The following SP3 variants were observed in gnomAD, a reference collection of about 807,000 sequenced individuals.
The protein encoded by SP3 is transcription factor Sp3.
A neutral mutation model predicts 70.3 loss-of-function variants in SP3; 10 were observed. The observed-to-expected ratio is 0.14, with a 90% confidence interval of 0.09 to 0.24. The LOEUF (loss-of-function observed/expected upper bound fraction) is 0.24, where lower values mean the gene tolerates loss of function less well. Among genes scored for constraint, SP3 ranks in the 10% least tolerant of loss-of-function variants. SP3 has a pLI of 1.00. For missense variants in SP3, 825 were observed against 914.6 expected (o/e 0.90, Z 1.26); for synonymous variants, 402 against 333.5 (o/e 1.21, Z -2.24).
At position 173,933,639 on chromosome 2, in the gene SP3, T is replaced by C. The variant is rs185802035; in HGVS notation, c.1640-14854A>G. ...CAAATGACTAACATTTATAAAACTT[T>C]ATATATATATATATATATATATATA... On this transcript the variant is annotated intron_variant, in intron 4 of 6. Coordinates refer to ENST00000310015, the MANE Select transcript of SP3 (RefSeq NM_003111.5). Among the ~76,000 whole-genome samples, 95 of 15,562 alleles carry C rather than the reference T, an allele frequency of 6.1e-3. 1 individual carries two copies. The East Asian group carries it at 0.11, about 18-fold the overall frequency. 10.2% of individuals were successfully genotyped at this position (15,562 alleles called of 152,430 possible).
intron 4 of SP3, among the ~76,000 whole-genome samples, chr2:173,940,994 A>T (rs1160175032): frequency 6.6e-6 from 1 of 152,006 alleles, no homozygotes; most frequent in Non-Finnish European, 1.5e-5. Flanking sequence ...TTTTCTTAAA[A>T]CATCCCTCTC....
chr2:173,939,935 C>G (rs1690318304), intron 4 of SP3, among the ~76,000 whole-genome samples: 1 of 152,020 alleles, frequency 6.6e-6, no homozygotes, highest in Non-Finnish European at 1.5e-5. Flanking sequence ...TGCAATGACT[C>G]AATCATAACT....
chr2:173,941,221 T>C (rs1559101973), intron 4 of SP3, among the ~76,000 whole-genome samples: 1 of 152,046 alleles, frequency 6.6e-6, no homozygotes, highest in Non-Finnish European at 1.5e-5. Flanking sequence ...CCCAGCACTC[T>C]TAATGAAACC....
At chr2:173,952,940 G>T (rs1013405849) in intron 4 of SP3, among the ~76,000 whole-genome samples, 1 of 152,152 alleles carries the variant, frequency 6.6e-6, no homozygotes, top group Admixed American at 6.5e-5. Flanking sequence ...TTCCTTTTGA[G>T]GTAATAAAAA....
Position 173,907,112 on chromosome 2 carries a change from A to C in SP3, c.*2829T>G, listed in dbSNP as rs1025505484. ...AGTCACTTTTCAGTAATTAAGCCTC[A>C]ATCTATAGAAAATGAGATGCTCTTT... On this transcript the variant is annotated 3_prime_UTR_variant, in exon 7 of 7. Coordinates refer to ENST00000310015, the MANE Select transcript of SP3 (RefSeq NM_003111.5). The C allele has an allele frequency of 1.3e-5, 2 of 152,174 alleles. No individual in the cohort carries two copies. The highest frequency in any genetic ancestry group is 2.9e-5 in the Non-Finnish European group (2 of 68,004). 9.4% of individuals were successfully genotyped at this position (152,174 alleles called of 1,614,324 possible).
intron 4 of SP3, among the ~76,000 whole-genome samples, chr2:173,920,529 G>A (rs888181455): frequency 6.6e-6 from 1 of 152,054 alleles, no homozygotes; most frequent in Non-Finnish European, 1.5e-5. Context: ...CATGTGCAGG[G>A]GCGGGGGGTA....
At chr2:173,942,740 T>C (rs973701163) in intron 4 of SP3, among the ~76,000 whole-genome samples, 2 of 152,150 alleles carry the variant, frequency 1.3e-5, no homozygotes, top group African/African-American at 4.8e-5. Context: ...CCCACTTTAC[T>C]CCACCCTTCC....
intron 4 of SP3, among the ~76,000 whole-genome samples, chr2:173,952,262 T>C (rs568863024): frequency 1.3e-5 from 2 of 152,204 alleles, no homozygotes; most frequent in African/African-American, 4.8e-5. Context: ...AGTGGTTTTT[T>C]AAAGACAATT....
intron 4 of SP3, among the ~76,000 whole-genome samples, chr2:173,926,248 T>C (rs1477489458): frequency 6.6e-6 from 1 of 152,156 alleles, no homozygotes; most frequent in Non-Finnish European, 1.5e-5. Context: ...CAAGCCTCCT[T>C]CTTTAGTAAG....
chr2:173,939,694 G>A (rs778567870), intron 4 of SP3, among the ~76,000 whole-genome samples: 5 of 135,506 alleles, frequency 3.7e-5, no homozygotes, highest in Non-Finnish European at 6.1e-5. Context: ...GAGCCAGAGA[G>A]GCGGAAGTTG....
intron 3 of SP3, among the ~76,000 whole-genome samples, chr2:173,957,006 A>G (rs1690916955): frequency 2.0e-5 from 3 of 152,156 alleles, no homozygotes; most frequent in African/African-American, 7.2e-5. Context: ...TATATTCTCA[A>G]TGGGAATCTC....
chr2:173,929,818 T>C (rs138349860), intron 4 of SP3, among the ~76,000 whole-genome samples: 305 of 152,304 alleles, frequency 2.0e-3, no homozygotes, highest in African/African-American at 6.7e-3. Context: ...CAGGGAGGTA[T>C]GGGGCAGAGA....
intron 4 of SP3, among the ~76,000 whole-genome samples, chr2:173,948,700 G>A (rs1227536811): frequency 6.6e-6 from 1 of 152,000 alleles, no homozygotes; most frequent in Non-Finnish European, 1.5e-5. Context: ...TAATGTTTTT[G>A]TTTTCCATAT....
chr2:173,960,977 AAAAAAT>A (rs569167562), intron 3 of SP3, among the ~76,000 whole-genome samples: 7 of 152,312 alleles, frequency 4.6e-5, no homozygotes, highest in South Asian at 4.1e-4. Flanking sequence ...CTCTGTCTCA[AAAAAAT>A]AAAAATAAAA....
In SP3 at chr2:173,905,757, G is replaced by A. The variant is rs1689298347; in HGVS notation, c.*4184C>T. 6.6e-6 allele frequency among the ~76,000 whole-genome samples: 1 copy of A among 152,076 alleles called. No homozygotes were observed. The highest frequency in any genetic ancestry group is 6.5e-5 in the Admixed American group (1 of 15,284). On this transcript the variant is annotated 3_prime_UTR_variant, in exon 7 of 7. Transcript: ENST00000310015. ...CTCACGCCTATAATCCCAACACTTTGGGAGGCAGAGGTGGAAGGATCACTT... is the reference window on the plus strand; with the variant it reads ...CTCACGCCTATAATCCCAACACTTTAGGAGGCAGAGGTGGAAGGATCACTT...
At chr2:173,945,069 T>C (rs1690492923) in intron 4 of SP3, among the ~76,000 whole-genome samples, 1 of 152,240 alleles carries the variant, frequency 6.6e-6, no homozygotes, top group African/African-American at 2.4e-5. Flanking sequence ...AAGTAAATGG[T>C]TATAATATTT....
At position 173,905,052 on chromosome 2, in the gene SP3, G is replaced by C. The variant is rs1689277552; in HGVS notation, c.*4889C>G. On this transcript the variant is annotated 3_prime_UTR_variant, in exon 7 of 7. Coordinates refer to ENST00000310015, the MANE Select transcript of SP3 (RefSeq NM_003111.5). ...AGAAAATACACATTTAGGTGCTTCA[G>C]TCTTTTCTTCTTATTCCATCCTTTT... Among the ~76,000 whole-genome samples the C allele has an allele frequency of 6.6e-6, 1 of 152,196 alleles. No individual in the cohort carries two copies. The highest frequency in any genetic ancestry group is 2.4e-5 in the African/African-American group (1 of 41,462).
At chr2:173,926,238 C>T (rs908875475) in intron 4 of SP3, among the ~76,000 whole-genome samples, 6 of 152,102 alleles carry the variant, frequency 3.9e-5, no homozygotes, top group African/African-American at 1.4e-4. Context: ...CACTGTTTTT[C>T]AAGCCTCCTT....
chr2:173,944,011 A>C (rs1022845950), intron 4 of SP3, among the ~76,000 whole-genome samples: 1 of 152,250 alleles, frequency 6.6e-6, no homozygotes, highest in Admixed American at 6.5e-5. Flanking sequence ...ATATCTAAAC[A>C]TAACAGAAAA....
Sources: allele counts gnomAD v4.1 joint callset (sites outside exome capture counted in the v4.1 genomes callset), GRCh38; gene constraint gnomAD v4.1.1; transcripts MANE v1.5; gene names NCBI Gene and HGNC (gene_info 2026-07-23, HGNC 2026-07-21).